SORCS2: variants seen among roughly 807,000 people sequenced by gnomAD.
SORCS2 encodes the protein VPS10 domain-containing receptor SorCS2.
Under a neutral mutation model 141.6 loss-of-function variants are expected in SORCS2, and 100 were observed. The ratio of observed to expected loss-of-function variants is 0.71; its 90% CI spans 0.60 to 0.83. SORCS2 has a LOEUF of 0.83. SORCS2 is among the 40% of genes least tolerant of loss of function. The pLI, the probability that SORCS2 is intolerant of heterozygous loss-of-function variation, is 0.00. For synonymous variants in SORCS2, 789 were observed against 676.9 expected, an observed-to-expected ratio of 1.17 and a Z score of -2.57; for missense variants, 1,646 against 1,560.2, an observed-to-expected ratio of 1.05 and a Z score of -0.93.
chr4:7,567,017 G>A (rs778646702), intron 3 of SORCS2, among the ~76,000 whole-genome samples: 3 of 152,242 alleles, frequency 2.0e-5, no homozygotes, highest in Non-Finnish European at 2.9e-5. Context: ...GGAAGGACCT[G>A]AACTTAGATT....
chr4:7,217,910 G>A (rs990088184), intron 1 of SORCS2, among the ~76,000 whole-genome samples: 1 of 152,200 alleles, frequency 6.6e-6, no homozygotes, highest in Non-Finnish European at 1.5e-5. Flanking sequence ...TCCAGGAGAG[G>A]GGACAGCTGT....
intron 1 of SORCS2, among the ~76,000 whole-genome samples, chr4:7,309,767 G>A (rs73796623): frequency 6.5e-4 from 99 of 152,320 alleles, no homozygotes; most frequent in African/African-American, 2.3e-3. Context: ...CTGTGCCCTT[G>A]TGTAGCTGTG....
Position 7,634,200 on chromosome 4 carries a change from C to G in SORCS2, c.649-4128C>G, listed in dbSNP as rs551309200. 5.7e-4 allele frequency among the ~76,000 whole-genome samples: 86 copies of G among 152,156 alleles called. 1 individual carries two copies. Among genetic ancestry groups the G allele is most frequent in the African/African-American group, 2.0e-3 (81 of 41,526 alleles). On this transcript the variant is annotated intron_variant, in intron 3 of 26. Transcript: ENST00000507866. ...ACCAGTCTGGCCAACATGGTGAAAC[C>G]CCATCTCTACTAAAAATACAAAAAT... is the stretch of plus-strand genomic sequence containing the variant.
At chr4:7,412,963 T>G (rs551656651) in intron 2 of SORCS2, among the ~76,000 whole-genome samples, 1 of 152,138 alleles carries the variant, frequency 6.6e-6, no homozygotes, top group African/African-American at 2.4e-5. Context: ...GGGACCACCA[T>G]GAGCCCAGGG....
intron 2 of SORCS2, among the ~76,000 whole-genome samples, chr4:7,499,137 G>T (rs780311066): frequency 1.4e-5 from 2 of 140,020 alleles, no homozygotes; most frequent in Non-Finnish European, 3.1e-5. Flanking sequence ...GTGTATGAGT[G>T]GGCAAATGTA....
chr4:7,617,707 G>A (rs552501258), intron 3 of SORCS2, among the ~76,000 whole-genome samples: 22 of 152,278 alleles, frequency 1.4e-4, no homozygotes, highest in South Asian at 4.1e-4. Context: ...CAGATATTCC[G>A]AGCAACTTTT....
chr4:7,377,108 T>C (rs1188982632), intron 1 of SORCS2, among the ~76,000 whole-genome samples: 3 of 152,244 alleles, frequency 2.0e-5, no homozygotes, highest in Non-Finnish European at 2.9e-5. Context: ...GTTGTGTCTG[T>C]AATTTCAAAT....
At chr4:7,246,697 G>C (rs1713121188) in intron 1 of SORCS2, among the ~76,000 whole-genome samples, 1 of 152,206 alleles carries the variant, frequency 6.6e-6, no homozygotes, top group South Asian at 2.1e-4. Flanking sequence ...CATCTGGAGG[G>C]AGATGGGGCT....
intron 9 of SORCS2, among the ~76,000 whole-genome samples, chr4:7,678,541 C>T (rs1269821316): frequency 3.5e-5 from 5 of 141,752 alleles, no homozygotes; most frequent in East Asian, 2.2e-4. Context: ...AGCACAGGGG[C>T]GGTTGGCCGG....
intron 3 of SORCS2, among the ~76,000 whole-genome samples, chr4:7,553,138 C>G (rs1274418140): frequency 1.3e-5 from 2 of 152,042 alleles, no homozygotes; most frequent in African/African-American, 2.4e-5. Flanking sequence ...TATGAAGATG[C>G]TGGGCTGGGA....
At chr4:7,495,715 C>T (rs1577657199) in intron 2 of SORCS2, among the ~76,000 whole-genome samples, 4 of 152,186 alleles carry the variant, frequency 2.6e-5, no homozygotes, top group Admixed American at 6.5e-5. Context: ...AGCGGCCTCT[C>T]GTCTCCATGA....
At chr4:7,345,335 C>G (rs1254289505) in intron 1 of SORCS2, among the ~76,000 whole-genome samples, 3 of 152,184 alleles carry the variant, frequency 2.0e-5, no homozygotes, top group Non-Finnish European at 2.9e-5. Context: ...GACTTCAGGA[C>G]AGCTGAAGGA....
At chr4:7,438,357 T>A (rs2109250967) in intron 2 of SORCS2, among the ~76,000 whole-genome samples, 1 of 152,368 alleles carries the variant, frequency 6.6e-6, no homozygotes, top group Non-Finnish European at 1.5e-5. Context: ...CATTGTTGAT[T>A]TATCAGCATG....
intron 3 of SORCS2, among the ~76,000 whole-genome samples, chr4:7,565,888 A>T (rs1714954453): frequency 7.2e-6 from 1 of 138,858 alleles, no homozygotes; most frequent in Non-Finnish European, 1.6e-5. Flanking sequence ...GGAGATGATG[A>T]TGGTGGTGAT....
intron 3 of SORCS2, among the ~76,000 whole-genome samples, chr4:7,537,047 C>T (rs373934394): frequency 6.6e-6 from 1 of 152,204 alleles, no homozygotes; most frequent in Non-Finnish European, 1.5e-5. Flanking sequence ...CTGAGGCACC[C>T]TTGCAGCTAA....
At chr4:7,265,554 C>T (rs993095829) in intron 1 of SORCS2, among the ~76,000 whole-genome samples, 2 of 152,138 alleles carry the variant, frequency 1.3e-5, no homozygotes, top group Non-Finnish European at 1.5e-5. Context: ...AGGGGTGGCT[C>T]CTGCCTCTCC....
At chr4:7,415,186 C>T (rs1245415537) in intron 2 of SORCS2, among the ~76,000 whole-genome samples, 4 of 152,242 alleles carry the variant, frequency 2.6e-5, no homozygotes, top group East Asian at 1.9e-4. Context: ...CCATGGCTGC[C>T]GTAAAAATGA....
chr4:7,728,021 A>G (rs1407770698), intron 21 of SORCS2, among the ~76,000 whole-genome samples: 2 of 152,218 alleles, frequency 1.3e-5, no homozygotes, highest in African/African-American at 4.8e-5. Context: ...GGCTTGGTGC[A>G]CACTAGGCCT....
chr4:7,322,354 A>G (rs1234839601), intron 1 of SORCS2, among the ~76,000 whole-genome samples: 2 of 152,096 alleles, frequency 1.3e-5, no homozygotes, highest in African/African-American at 2.4e-5. Flanking sequence ...TCTGGACACA[A>G]TGTGCTCCCT....
Sources: allele counts gnomAD v4.1 joint callset (sites outside exome capture counted in the v4.1 genomes callset), GRCh38; gene constraint gnomAD v4.1.1; transcripts MANE v1.5; gene names NCBI Gene and HGNC (gene_info 2026-07-23, HGNC 2026-07-21).